SNX7: variants seen among roughly 807,000 people sequenced by gnomAD.
SNX7 encodes sorting nexin-7.
A neutral mutation model predicts 48.4 loss-of-function variants in SNX7; 35 were observed. The observed-to-expected ratio is 0.72, with a 90% CI of 0.55 to 0.96. The LOEUF is 0.96. Among genes scored for constraint, SNX7 ranks in the 40% least tolerant of loss-of-function variants. SNX7 has a pLI of 0.00. For missense variants in SNX7, 553 were observed against 548.9 expected, an observed-to-expected ratio of 1.01 and a Z score of -0.07; for synonymous variants, 190 against 190.2, an observed-to-expected ratio of 1.00 and a Z score of 0.01.
intron 7 of SNX7, among the ~76,000 whole-genome samples, chr1:98,710,233 A>C (rs2100988903): frequency 6.6e-6 from 1 of 152,318 alleles, no homozygotes; most frequent in South Asian, 2.1e-4. Context: ...TTAGGGAAGT[A>C]ACTGCATATT....
chr1:98,699,514 C>T (rs1248199771), intron 6 of SNX7, among the ~76,000 whole-genome samples: 2 of 152,030 alleles, frequency 1.3e-5, no homozygotes, highest in Non-Finnish European at 2.9e-5. Context: ...ATTTTTCATC[C>T]AGTATTTTTC....
intron 2 of SNX7, among the ~76,000 whole-genome samples, 174 bp downstream of exon 2, chr1:98,685,241 G>A (rs56009405): frequency 0.056 from 8,517 of 151,920 alleles, 753 homozygotes; most frequent in African/African-American, 0.18. Context: ...CACTTGTTCT[G>A]TATTAAGTCA....
chr1:98,713,094 G>A (rs1449389065), intron 7 of SNX7, among the ~76,000 whole-genome samples: 21 of 129,842 alleles, frequency 1.6e-4, no homozygotes, highest in South Asian at 5.2e-4. Flanking sequence ...TCTGTCTCAG[G>A]AAAAAAAAAA....
intron 1 of SNX7, among the ~76,000 whole-genome samples, chr1:98,670,185 A>G (rs1393885404): frequency 3.3e-5 from 5 of 152,200 alleles, no homozygotes; most frequent in Non-Finnish European, 5.9e-5. Context: ...TTGAGCCTCA[A>G]TCCTGAACAA....
chr1:98,702,101 C>A (rs139577024), intron 7 of SNX7, among the ~76,000 whole-genome samples, 198 bp downstream of exon 7: 1 of 151,996 alleles, frequency 6.6e-6, no homozygotes, highest in Admixed American at 6.6e-5. Context: ...TTAACAATGA[C>A]GGTTTTCTGC....
upstream of SNX7, chr1:98,661,618 G>A: frequency 1.0e-6 from 1 of 974,902 alleles, no homozygotes; most frequent in Non-Finnish European, 1.3e-6. Flanking sequence ...CAGCGGGCGA[G>A]GGGCTGGAGC....
In SNX7 at chr1:98,683,929, G is replaced by A. The variant is rs146686611; in HGVS notation, c.181-956G>A. Among the ~76,000 whole-genome samples, 8 of 152,210 alleles carry A rather than the reference G, an allele frequency of 5.3e-5. No homozygotes were observed. In the East Asian group the frequency reaches 1.2e-3, roughly 22 times the overall value. On this transcript the variant is annotated intron_variant, in intron 1 of 8. Coordinates refer to ENST00000306121, the MANE Select transcript of SNX7 (RefSeq NM_015976.5). ...AGACCTTTCAGAAAGTAGACTTCCA[G>A]TGTTCTACCAAATTGGGGTGGGAAA...
intron 7 of SNX7, among the ~76,000 whole-genome samples, chr1:98,731,229 A>T (rs1031969418): frequency 1.3e-5 from 2 of 151,306 alleles, no homozygotes; most frequent in African/African-American, 4.9e-5. Flanking sequence ...AAAATTTTTT[A>T]AAAAGTATAA....
intron 8 of SNX7, among the ~76,000 whole-genome samples, chr1:98,740,443 G>T (rs986239559): frequency 3.3e-5 from 5 of 152,024 alleles, no homozygotes; most frequent in Admixed American, 3.3e-4. Context: ...AAAGCATGCA[G>T]TTTTCTATAA....
rs1319342553 is a variant in SNX7 at position 98,701,987 on chromosome 1, T to C, written c.1125+84T>C. 9 of 906,764 alleles carry C rather than the reference T, an allele frequency of 9.9e-6. No homozygotes were observed. The Admixed American group carries it at 2.0e-4, about 20-fold the overall frequency. 56.2% of individuals were successfully genotyped at this position (906,764 alleles called of 1,614,324 possible). A position where few individuals can be genotyped will look rare whatever the true frequency, so the allele number is the denominator to read the frequency against. On this transcript the variant is annotated intron_variant, in intron 7 of 8. Coordinates refer to ENST00000306121, the MANE Select transcript of SNX7 (RefSeq NM_015976.5). ...AGCAATGTCCTTACATGATTGTCCT[T>C]ACATGATTGTTTCTTATATGATTGT...
chr1:98,691,937 A>ACACT (rs376006567), intron 4 of SNX7, among the ~76,000 whole-genome samples: 9,592 of 131,094 alleles, frequency 0.073, 462 homozygotes, highest in Admixed American at 0.15. Context: ...ACACACACAC[A>ACACT]CTCTCTCTCT....
intron 1 of SNX7, among the ~76,000 whole-genome samples, chr1:98,679,298 A>G (rs192888561): frequency 3.2e-4 from 48 of 152,272 alleles, no homozygotes; most frequent in African/African-American, 9.1e-4. Flanking sequence ...ACCTGCCTCT[A>G]TGATTCAATT....
At chr1:98,684,138 A>G (rs1312650074) in intron 1 of SNX7, among the ~76,000 whole-genome samples, 1 of 152,122 alleles carries the variant, frequency 6.6e-6, no homozygotes, top group Non-Finnish European at 1.5e-5. Flanking sequence ...GCCTCTTCCT[A>G]GTTTACTGTT....
intron 5 of SNX7, 59 bp downstream of exon 5, chr1:98,695,775 A>G: frequency 1.6e-6 from 2 of 1,235,072 alleles, no homozygotes; most frequent in East Asian, 4.6e-5. Flanking sequence ...GAATCTTCAC[A>G]TTTGTTGGTG....
intron 7 of SNX7, among the ~76,000 whole-genome samples, chr1:98,712,558 T>C (rs1465617471): frequency 6.6e-6 from 1 of 152,168 alleles, no homozygotes; most frequent in East Asian, 1.9e-4. Flanking sequence ...TAAACCATAC[T>C]ATAAACAGAT....
rs2101068896 is a variant in SNX7, at chr1:98,760,442, T to C, written c.*311T>C. 1 of 219,042 alleles carries C rather than the reference T, an allele frequency of 4.6e-6. No individual in the cohort carries two copies. Among genetic ancestry groups the C allele is most frequent in the African/African-American group, 2.3e-5 (1 of 43,828 alleles). The allele number at this position is 219,042 out of a possible 1,614,324, so 13.6% of individuals were successfully genotyped here. A position where few individuals can be genotyped will look rare whatever the true frequency, so the allele number is the denominator to read the frequency against. ...ATTTTTTTTCTTAAATATTTGACTG[T>C]GGAACATGCCATTTTAAATATGTTG... On this transcript the variant is annotated 3_prime_UTR_variant, in exon 9 of 9. Coordinates refer to ENST00000306121, the MANE Select transcript of SNX7 (RefSeq NM_015976.5).
chr1:98,746,762 A>T (rs1352013181), intron 8 of SNX7, among the ~76,000 whole-genome samples: 1 of 152,030 alleles, frequency 6.6e-6, no homozygotes. Context: ...TGATGTATAG[A>T]TGAATATTCC....
At chr1:98,747,869 C>T (rs1654380978) in intron 8 of SNX7, among the ~76,000 whole-genome samples, 1 of 151,670 alleles carries the variant, frequency 6.6e-6, no homozygotes, top group Non-Finnish European at 1.5e-5. Flanking sequence ...GATTTCTGTT[C>T]TGAATTAAAT....
intron 1 of SNX7, among the ~76,000 whole-genome samples, chr1:98,678,660 C>A (rs958413628): frequency 2.0e-5 from 3 of 152,106 alleles, no homozygotes; most frequent in African/African-American, 7.2e-5. Context: ...CATACTGGTG[C>A]AGCTTTAAGG....
Sources: gnomAD v4.1 joint callset for allele counts (sites outside exome capture counted in the v4.1 genomes callset) on GRCh38, gnomAD v4.1.1 for gene constraint, MANE v1.5 for transcripts, NCBI Gene and HGNC (gene_info 2026-07-23, HGNC 2026-07-21) for gene names.